PLEKHA7: variants seen among roughly 807,000 people sequenced by gnomAD.
The protein encoded by PLEKHA7 is pleckstrin homology domain containing A7.
In PLEKHA7, 104 loss-of-function variants were observed where a neutral mutation model predicts 170.0. The observed-to-expected ratio is 0.61, with a 90% CI of 0.52 to 0.72. The LOEUF is 0.72. PLEKHA7 is among the 30% of genes least tolerant of loss of function. The pLI, the probability that PLEKHA7 is intolerant of heterozygous loss-of-function variation, is 0.00. For missense variants in PLEKHA7, 1,615 were observed against 1,671.7 expected (o/e 0.97, Z 0.59); for synonymous variants, 648 against 660.8 (o/e 0.98, Z 0.30).
chr11:16,978,525 C>T (rs1863211029), intron 3 of PLEKHA7, among the ~76,000 whole-genome samples: 2 of 152,276 alleles, frequency 1.3e-5, no homozygotes, highest in East Asian at 3.9e-4. Context: ...GTGTGGTTTT[C>T]CATTCTTTCA....
At chr11:16,877,123 T>G (rs538744144) in intron 3 of PLEKHA7, among the ~76,000 whole-genome samples, 1 of 152,242 alleles carries the variant, frequency 6.6e-6, no homozygotes, top group Non-Finnish European at 1.5e-5. Context: ...CTCATTGGTA[T>G]GCTCAGCAGT....
intron 3 of PLEKHA7, among the ~76,000 whole-genome samples, chr11:16,923,645 C>A (rs1476249727): frequency 6.6e-6 from 1 of 152,104 alleles, no homozygotes; most frequent in Admixed American, 6.6e-5. Flanking sequence ...GGGAGCACAG[C>A]AGCCTGTCTG....
At chr11:16,855,214 T>A (rs1298775755) in intron 5 of PLEKHA7, among the ~76,000 whole-genome samples, 2 of 151,646 alleles carry the variant, frequency 1.3e-5, no homozygotes, top group Non-Finnish European at 2.9e-5. Flanking sequence ...GCTGGGTCAC[T>A]GAAAAAAAAA....
At chr11:16,889,420 A>AAAATATATATATAT (rs61086849) in intron 3 of PLEKHA7, among the ~76,000 whole-genome samples, 3 of 74,686 alleles carry the variant, frequency 4.0e-5, no homozygotes, top group African/African-American at 1.9e-4. Context: ...AAAAAAAAAA[A>AAAATATATATATAT]ATATATATAT....
intron 8 of PLEKHA7, among the ~76,000 whole-genome samples, chr11:16,844,186 G>C (rs1776100822): frequency 6.6e-6 from 1 of 152,118 alleles, no homozygotes; most frequent in South Asian, 2.1e-4. Context: ...AAAATTCATG[G>C]AGCCAGCCTT....
intron 3 of PLEKHA7, among the ~76,000 whole-genome samples, chr11:16,940,533 C>A (rs1449666627): frequency 6.6e-6 from 1 of 152,066 alleles, no homozygotes. Context: ...GGTGATCCGC[C>A]CGCCTCAGCC....
At chr11:16,888,716 C>T (rs547889432) in intron 3 of PLEKHA7, among the ~76,000 whole-genome samples, 13 of 152,106 alleles carry the variant, frequency 8.5e-5, no homozygotes, top group African/African-American at 1.4e-4. Flanking sequence ...TGCGCAAGGC[C>T]GCAGGGTCCT....
At chr11:16,888,552 C>T (rs1158240223) in intron 3 of PLEKHA7, among the ~76,000 whole-genome samples, 13 of 152,290 alleles carry the variant, frequency 8.5e-5, no homozygotes, top group East Asian at 1.9e-4. Flanking sequence ...CCCCCAACCC[C>T]GTGCTCTCTG....
chr11:16,792,292 T>A (rs1254279375), intron 19 of PLEKHA7, among the ~76,000 whole-genome samples: 1 of 152,228 alleles, frequency 6.6e-6, no homozygotes, highest in Non-Finnish European at 1.5e-5. Flanking sequence ...CATGTTATTA[T>A]GTACTTTTTT....
chr11:16,869,196 C>T (rs1263955649), intron 4 of PLEKHA7, among the ~76,000 whole-genome samples: 1 of 152,108 alleles, frequency 6.6e-6, no homozygotes, highest in Admixed American at 6.5e-5. Flanking sequence ...CTTTACCTTC[C>T]ACTCACTCTC....
At chr11:16,849,874 C>T (rs748926264) in intron 8 of PLEKHA7, among the ~76,000 whole-genome samples, 1 of 152,150 alleles carries the variant, frequency 6.6e-6, no homozygotes, top group Non-Finnish European at 1.5e-5. Context: ...GTGACAGTAG[C>T]GTCACTCGAG....
chr11:16,896,407 C>T (rs573983455), intron 3 of PLEKHA7, among the ~76,000 whole-genome samples: 16 of 152,096 alleles, frequency 1.1e-4, no homozygotes, highest in Non-Finnish European at 2.4e-4. Flanking sequence ...GAAAAGCTGT[C>T]CCTCCCCAAA....
intron 3 of PLEKHA7, 31 bp downstream of exon 3, chr11:17,013,952 CGGCACA>C: frequency 1.3e-6 from 2 of 1,510,050 alleles, no homozygotes; most frequent in Middle Eastern, 4.6e-4. Flanking sequence ...CCCCCCCCCG[CGGCACA>C]GGTGCGAGCG....
chr11:16,871,828 A>G (rs1854877442), intron 3 of PLEKHA7, among the ~76,000 whole-genome samples: 1 of 152,156 alleles, frequency 6.6e-6, no homozygotes, highest in African/African-American at 2.4e-5. Context: ...TGCATCAACA[A>G]AGGCTGCTTG....
chr11:16,900,764 C>T (rs955735901), intron 3 of PLEKHA7, among the ~76,000 whole-genome samples: 1 of 152,076 alleles, frequency 6.6e-6, no homozygotes, highest in Non-Finnish European at 1.5e-5. Context: ...AGATCTCTCA[C>T]TTTTTTCCCC....
intron 3 of PLEKHA7, among the ~76,000 whole-genome samples, chr11:16,986,049 C>A (rs1032649319): frequency 8.5e-5 from 13 of 152,272 alleles, no homozygotes; most frequent in African/African-American, 3.1e-4. Context: ...AGGGGGCATT[C>A]CTACAAAAGC....
At chr11:16,854,161 G>A (rs732730) in intron 6 of PLEKHA7, among the ~76,000 whole-genome samples, 13 of 152,188 alleles carry the variant, frequency 8.5e-5, no homozygotes, top group Admixed American at 3.9e-4. Context: ...GGCAAGGAGA[G>A]AAGGAGAGCA....
chr11:16,842,993 T>C (rs1204262184), intron 8 of PLEKHA7, among the ~76,000 whole-genome samples: 2 of 152,268 alleles, frequency 1.3e-5, no homozygotes, highest in Non-Finnish European at 2.9e-5. Flanking sequence ...CTATTTATTT[T>C]ACACATTTGT....
intron 4 of PLEKHA7, among the ~76,000 whole-genome samples, chr11:16,859,788 A>C (rs1435572007): frequency 6.6e-6 from 1 of 152,226 alleles, no homozygotes; most frequent in Non-Finnish European, 1.5e-5. Flanking sequence ...GAGCTGAGCA[A>C]CCTTGAAAGG....
Sources: gnomAD v4.1 joint callset for allele counts (sites outside exome capture counted in the v4.1 genomes callset) on GRCh38, gnomAD v4.1.1 for gene constraint, MANE v1.5 for transcripts, NCBI Gene and HGNC (gene_info 2026-07-23, HGNC 2026-07-21) for gene names.